Variants in GBF1 observed in about 807,000 individuals in gnomAD.
The protein encoded by GBF1 is golgi brefeldin A resistant guanine nucleotide exchange factor 1, also known as Golgi-specific brefeldin A-resistance guanine nucleotide exchange factor 1.
GBF1 carries 114 observed loss-of-function variants against 210.5 expected under a neutral mutation model. The ratio of observed to expected loss-of-function variants is 0.54; its 90% confidence interval spans 0.47 to 0.63. The LOEUF (loss-of-function observed/expected upper bound fraction) is 0.63, where lower values mean the gene tolerates loss of function less well. GBF1 is among the 30% of genes least tolerant of loss of function. The pLI, the probability that GBF1 is intolerant of heterozygous loss-of-function variation, is 0.00. For missense variants in GBF1, 1,851 were observed against 2,357.7 expected (o/e 0.79, Z 4.45); for synonymous variants, 850 against 889.2 (o/e 0.96, Z 0.78).
At chr10:102,278,274 A>G (rs1355281110) in intron 3 of GBF1, among the ~76,000 whole-genome samples, 1 of 147,416 alleles carries the variant, frequency 6.8e-6, no homozygotes, top group Non-Finnish European at 1.5e-5. Flanking sequence ...AAACAAAAAC[A>G]CTTTTTTTTT....
In GBF1 at chr10:102,379,579, T is replaced by C; in HGVS notation, c.4704T>C (p.Tyr1568=). 6.2e-7 allele frequency: 1 copy of C among 1,614,080 alleles called. No individual in the cohort carries two copies. Among genetic ancestry groups the C allele is most frequent in the Non-Finnish European group, 8.5e-7 (1 of 1,179,950 alleles). The part of the protein sequence containing the change: ...RRQVRMQALT[Y]LQRALLVHDL... ...AGGTACGGATGCAGGCACTGACCTA[T>C]CTGCAGCGAGCACTACTTGTACATG... The change falls in exon 35 of 40, where the codon TAT becomes TAC. Residue 1568 remains tyrosine, a synonymous_variant. Transcript: ENST00000369983.
At chr10:102,278,275 CTT>C (rs75537807) in intron 3 of GBF1, among the ~76,000 whole-genome samples, 173 of 142,508 alleles carry the variant, frequency 1.2e-3, no homozygotes, top group African/African-American at 3.9e-3. Context: ...AACAAAAACA[CTT>C]TTTTTTTTTT....
chr10:102,307,707 C>T (rs887764960), intron 3 of GBF1, among the ~76,000 whole-genome samples: 1 of 152,014 alleles, frequency 6.6e-6, no homozygotes, highest in Non-Finnish European at 1.5e-5. Flanking sequence ...AGCAGAATGG[C>T]GTGAACCCGG....
intron 3 of GBF1, among the ~76,000 whole-genome samples, chr10:102,330,650 C>T (rs2057270315): frequency 6.6e-6 from 1 of 151,824 alleles, no homozygotes; most frequent in South Asian, 2.1e-4. Flanking sequence ...CACGCCATTG[C>T]ACTCCAGCCT....
intron 3 of GBF1, among the ~76,000 whole-genome samples, chr10:102,271,281 C>T (rs2074390294): frequency 6.6e-6 from 1 of 152,128 alleles, no homozygotes; most frequent in African/African-American, 2.4e-5. Context: ...TCGTGATCTG[C>T]CCGCCTCGGC....
intron 3 of GBF1, among the ~76,000 whole-genome samples, chr10:102,336,196 G>T (rs2057720462): frequency 6.6e-6 from 1 of 151,492 alleles, no homozygotes; most frequent in African/African-American, 2.4e-5. Context: ...AGCTACTCGG[G>T]AGGCTGAGCC....
At chr10:102,261,615 C>CTTT (rs10711743) in intron 3 of GBF1, among the ~76,000 whole-genome samples, 3 of 116,058 alleles carry the variant, frequency 2.6e-5, no homozygotes, top group African/African-American at 3.4e-5. Flanking sequence ...TTCTTTCTTT[C>CTTT]TTTTTTTTTT....
the GBF1 span, among the ~76,000 whole-genome samples, chr10:102,235,972 T>C: frequency 6.6e-6 from 1 of 152,178 alleles, no homozygotes; most frequent in Non-Finnish European, 1.5e-5. Context: ...TTTAGGCTCT[T>C]GCATGGGCTA....
rs1237350799 is a variant in GBF1, at chr10:102,366,757, T to C, written c.2433+251T>C. On this transcript the variant is annotated intron_variant, in intron 19 of 39. Coordinates refer to ENST00000369983, the MANE Select transcript of GBF1 (RefSeq NM_001377137.1). The surrounding 1 kb of genome is among the most constrained non-coding windows in gnomAD (Gnocchi z 4.0). ...ACCTGCCACCAAGCCTGGCTAATTT[T>C]TGTATTTTTAGTAGAGATGGGTTTT... Among the ~76,000 whole-genome samples the C allele has an allele frequency of 1.3e-5, 2 of 152,038 alleles. No homozygotes were observed. Among genetic ancestry groups the C allele is most frequent in the African/African-American group, 4.8e-5 (2 of 41,380 alleles).
At chr10:102,308,834 C>A (rs530616570) in intron 3 of GBF1, among the ~76,000 whole-genome samples, 4 of 151,220 alleles carry the variant, frequency 2.6e-5, no homozygotes, top group Non-Finnish European at 5.9e-5. Flanking sequence ...ATGTAACTAA[C>A]CTGCACATTG....
chr10:102,348,848 T>C (rs2058748261), intron 4 of GBF1, among the ~76,000 whole-genome samples: 1 of 152,210 alleles, frequency 6.6e-6, no homozygotes, highest in African/African-American at 2.4e-5. Flanking sequence ...TGGCTTATCA[T>C]TGCAAGAGAA....
chr10:102,272,159 T>C (rs1234584367), intron 3 of GBF1, among the ~76,000 whole-genome samples: 3 of 151,968 alleles, frequency 2.0e-5, no homozygotes, highest in Non-Finnish European at 2.9e-5. Context: ...CAAGCTGGAC[T>C]GCAATGGTGT....
At chr10:102,321,751 G>C (rs1210381090) in intron 3 of GBF1, among the ~76,000 whole-genome samples, 1 of 151,942 alleles carries the variant, frequency 6.6e-6, no homozygotes, top group East Asian at 1.9e-4. Context: ...TTGTAGAGAC[G>C]GGGTTTCGCC....
rs372566383 is a variant in GBF1 at position 102,377,041 on chromosome 10, C to T, written c.4395C>T (p.Thr1465=). The stretch of plus-strand genomic sequence containing the variant: ...GATCAATGCTTCGCCGGCCTCGAAC[C>T]TCCAGCCAACATGCCTCTCGGGGCG... ...KEGSMLRRPR[T]SSQHASRGGQ... is the part of the protein sequence containing the mutation. The change falls in exon 33 of 40, where the codon ACC becomes ACT. Residue 1465 remains threonine (T), a synonymous_variant. Coordinates refer to ENST00000369983, the MANE Select transcript of GBF1 (RefSeq NM_001377137.1). 5 of 1,614,016 alleles carry T rather than the reference C, an allele frequency of 3.1e-6. No individual in the cohort carries two copies. The African/African-American group carries it at 4.0e-5, about 13-fold the overall frequency.
At chr10:102,300,780 G>A (rs979191678) in intron 3 of GBF1, among the ~76,000 whole-genome samples, 3 of 152,116 alleles carry the variant, frequency 2.0e-5, no homozygotes, top group Admixed American at 1.3e-4. Flanking sequence ...TTCTTTTATA[G>A]CTTGTTGTAC....
At chr10:102,230,886 C>T in the GBF1 span, 1 of 1,610,260 alleles carries the variant, frequency 6.2e-7, no homozygotes, top group South Asian at 1.1e-5. Flanking sequence ...CCAGAGGCCC[C>T]ACGTTGACCG....
chr10:102,236,424 C>A, the GBF1 span, among the ~76,000 whole-genome samples: 1 of 152,216 alleles, frequency 6.6e-6, no homozygotes, highest in African/African-American at 2.4e-5. Context: ...TTTTGCCACA[C>A]CCTGCTAGGG....
intron 3 of GBF1, among the ~76,000 whole-genome samples, chr10:102,282,629 A>T (rs1396958773): frequency 2.0e-5 from 3 of 152,194 alleles, no homozygotes; most frequent in Admixed American, 6.5e-5. Context: ...ATGGCAGAAA[A>T]TCCTGAGTTA....
At chr10:102,285,494 C>T (rs1217952159) in intron 3 of GBF1, among the ~76,000 whole-genome samples, 2 of 152,112 alleles carry the variant, frequency 1.3e-5, no homozygotes, top group Non-Finnish European at 2.9e-5. Context: ...TCTAATGTTC[C>T]CATCTCCTTA....
Sources: allele counts gnomAD v4.1 joint callset (sites outside exome capture counted in the v4.1 genomes callset), GRCh38; gene constraint gnomAD v4.1.1; non-coding constraint Gnocchi (gnomAD v3.1); transcripts MANE v1.5; gene names NCBI Gene and HGNC (gene_info 2026-07-23, HGNC 2026-07-21).